PTBP2: variants seen among roughly 807,000 people sequenced by gnomAD.
The protein encoded by PTBP2 is polypyrimidine tract-binding protein 2.
In PTBP2, 13 loss-of-function variants were observed where a neutral mutation model predicts 61.4. That is an observed-to-expected ratio of 0.21 (90% CI 0.14 to 0.34). The LOEUF (loss-of-function observed/expected upper bound fraction) is 0.34, where lower values mean the gene tolerates loss of function less well. Among genes scored for constraint, PTBP2 ranks in the 10% least tolerant of loss-of-function variants. The pLI is 1.00. For synonymous variants in PTBP2, 215 were observed against 218.5 expected (o/e 0.98, Z 0.14); for missense variants, 405 against 642.6 (o/e 0.63, Z 4.00).
chr1:96,780,027 A>C (rs778833058), intron 7 of PTBP2, among the ~76,000 whole-genome samples: 80 of 151,818 alleles, frequency 5.3e-4, no homozygotes, highest in Admixed American at 8.5e-4. Flanking sequence ...CTTCTACCAT[A>C]TCTCTCCTCA....
downstream of PTBP2, chr1:96,817,591 C>T (rs1017285993): frequency 1.3e-5 from 2 of 152,046 alleles, no homozygotes; most frequent in Admixed American, 6.5e-5. Flanking sequence ...CTATGCACTT[C>T]ACTCAACTAT....
chr1:96,760,531 C>T (rs960725082), intron 3 of PTBP2, among the ~76,000 whole-genome samples: 11 of 149,970 alleles, frequency 7.3e-5, no homozygotes, highest in Non-Finnish European at 1.3e-4. Flanking sequence ...CTGCAACCTC[C>T]GCCTCCTGGG....
At chr1:96,777,099 A>T (rs1658124412) in intron 5 of PTBP2, among the ~76,000 whole-genome samples, 1 of 152,126 alleles carries the variant, frequency 6.6e-6, no homozygotes, top group Admixed American at 6.5e-5. Context: ...TAAGTGTAGT[A>T]TGAAAAATGT....
At chr1:96,811,524 AT>A (rs1485023996) in intron 11 of PTBP2, among the ~76,000 whole-genome samples, 1 of 152,036 alleles carries the variant, frequency 6.6e-6, no homozygotes, top group African/African-American at 2.4e-5. Context: ...GGTACAAGCA[AT>A]TCTGCCTCAG....
chr1:96,747,469 T>C (rs1653989125), intron 2 of PTBP2, among the ~76,000 whole-genome samples: 1 of 152,168 alleles, frequency 6.6e-6, no homozygotes, highest in East Asian at 1.9e-4. Flanking sequence ...AAATTTTGCT[T>C]TTTATATTTA....
At chr1:96,794,082 A>G (rs1335222240) in intron 8 of PTBP2, among the ~76,000 whole-genome samples, 7 of 152,190 alleles carry the variant, frequency 4.6e-5, no homozygotes, top group African/African-American at 1.7e-4. Flanking sequence ...TTTACCCATT[A>G]TATTGTTCTC....
intron 8 of PTBP2, among the ~76,000 whole-genome samples, chr1:96,793,269 T>C (rs1040148382): frequency 6.6e-6 from 1 of 152,226 alleles, no homozygotes; most frequent in Non-Finnish European, 1.5e-5. Context: ...ATAGCTGAAT[T>C]TTTAAAATGT....
chr1:96,725,683 A>C (rs890873404), intron 2 of PTBP2, among the ~76,000 whole-genome samples: 1 of 152,176 alleles, frequency 6.6e-6, no homozygotes, highest in Non-Finnish European at 1.5e-5. Context: ...AATGGTTAAG[A>C]ATTTTTGCTT....
chr1:96,741,991 C>G (rs1170625375), intron 2 of PTBP2, among the ~76,000 whole-genome samples: 1 of 152,124 alleles, frequency 6.6e-6, no homozygotes, highest in Non-Finnish European at 1.5e-5. Context: ...GTTTTGGAAT[C>G]TTGTACAGTG....
chr1:96,739,143 G>A (rs1276772774), intron 2 of PTBP2, among the ~76,000 whole-genome samples: 1 of 151,980 alleles, frequency 6.6e-6, no homozygotes, highest in Admixed American at 6.6e-5. Flanking sequence ...TTAGTTTTTT[G>A]TAATTCTTTA....
At chr1:96,780,680 G>A (rs993221392) in intron 7 of PTBP2, among the ~76,000 whole-genome samples, 4 of 146,348 alleles carry the variant, frequency 2.7e-5, no homozygotes, top group African/African-American at 1.0e-4. Context: ...TACCTGGGAG[G>A]CCTCACCTGC....
chr1:96,759,662 A>G (rs944227910), intron 3 of PTBP2, among the ~76,000 whole-genome samples: 1 of 152,206 alleles, frequency 6.6e-6, no homozygotes, highest in Non-Finnish European at 1.5e-5. Flanking sequence ...TCTTAAAGGA[A>G]TATATAAACT....
intron 3 of PTBP2, among the ~76,000 whole-genome samples, chr1:96,756,351 A>G (rs1655157504): frequency 6.6e-6 from 1 of 152,210 alleles, no homozygotes; most frequent in African/African-American, 2.4e-5. Flanking sequence ...GTGAGCCAGG[A>G]TCACGCCCAT....
chr1:96,757,936 A>G (rs535341943), intron 3 of PTBP2, among the ~76,000 whole-genome samples: 2 of 152,184 alleles, frequency 1.3e-5, no homozygotes, highest in East Asian at 1.9e-4. Context: ...TCAAATACCT[A>G]TATTACAAAA....
At chr1:96,727,454 A>C (rs1438683810) in intron 2 of PTBP2, among the ~76,000 whole-genome samples, 1 of 152,176 alleles carries the variant, frequency 6.6e-6, no homozygotes, top group African/African-American at 2.4e-5. Context: ...GCATATGTTT[A>C]ACTTTTTAAG....
chr1:96,818,298 TAGA>T (rs1269824811), downstream of PTBP2: 3 of 152,050 alleles, frequency 2.0e-5, no homozygotes, highest in African/African-American at 7.2e-5. Flanking sequence ...ATACAAAAAA[TAGA>T]AGAATATTTA....
At position 96,777,921 on chromosome 1, in the gene PTBP2, C is replaced by A; in HGVS notation, c.683C>A (p.Pro228Gln). The part of the protein sequence containing the change: ...QFQALLQYGD[P>Q]VNAQQAKLAL... Reference sequence around the variant, plus strand: ...CAAGCTTTGCTCCAGTATGGTGATCCAGTAAATGCTCAACAAGCAAAACTA... The same window carrying A: ...CAAGCTTTGCTCCAGTATGGTGATCAAGTAAATGCTCAACAAGCAAAACTA... The change falls in exon 7 of 14, where the codon CCA (proline) becomes CAA (glutamine). Residue 228 changes from proline (P) to glutamine (Q), a missense_variant. This residue lies in a region of PTBP2 where 342 missense variants were observed against 491.2 expected (regional missense o/e 0.70). Coordinates refer to ENST00000674951, the MANE Select transcript of PTBP2 (RefSeq NM_021190.4). 1 of 1,575,956 alleles carries A rather than the reference C, an allele frequency of 6.3e-7. No individual in the cohort carries two copies. Among genetic ancestry groups the A allele is most frequent in the South Asian group, 1.2e-5 (1 of 81,820 alleles).
downstream of PTBP2, chr1:96,818,094 A>G (rs1662549131): frequency 6.6e-6 from 1 of 152,094 alleles, no homozygotes; most frequent in Non-Finnish European, 1.5e-5. Context: ...CCTTAAATAC[A>G]AACATACCCT....
intron 10 of PTBP2, 93 bp downstream of exon 10, chr1:96,806,545 A>T: frequency 7.4e-7 from 1 of 1,356,692 alleles, no homozygotes; most frequent in Non-Finnish European, 1.0e-6. Context: ...CTTAAAGTTG[A>T]ATAGTAAATC....
Sources: allele counts gnomAD v4.1 joint callset (sites outside exome capture counted in the v4.1 genomes callset), GRCh38; gene constraint gnomAD v4.1.1; regional missense constraint gnomAD v4.1.1; transcripts MANE v1.5; gene names NCBI Gene and HGNC (gene_info 2026-07-23, HGNC 2026-07-21).